The following DNAJC13 variants were observed in gnomAD, a reference collection of about 807,000 sequenced individuals.
DNAJC13 encodes dnaJ homolog subfamily C member 13.
DNAJC13 carries 75 observed loss-of-function variants against 290.5 expected under a neutral mutation model. That is an observed-to-expected ratio of 0.26 (90% confidence interval 0.21 to 0.31). The LOEUF is 0.31. Among genes scored for constraint, DNAJC13 ranks in the 10% least tolerant of loss-of-function variants. DNAJC13 has a pLI of 1.00. For missense variants in DNAJC13, 2,260 were observed against 2,674.5 expected (o/e 0.85, Z 3.42); for synonymous variants, 862 against 892.0 (o/e 0.97, Z 0.60).
At chr3:132,491,156 A>G (rs138174227) in intron 32 of DNAJC13, 105 bp downstream of exon 32, 1 of 986,742 alleles carries the variant, frequency 1.0e-6, no homozygotes, top group Non-Finnish European at 1.4e-6. Context: ...TAGGTTTATA[A>G]TCTAAAATGA....
chr3:132,536,725 C>A (rs1433894978), intron 55 of DNAJC13, among the ~76,000 whole-genome samples: 1 of 152,168 alleles, frequency 6.6e-6, no homozygotes, highest in Non-Finnish European at 1.5e-5. Context: ...GCTGCTGTAG[C>A]TCTGAACTGC....
intron 55 of DNAJC13, among the ~76,000 whole-genome samples, chr3:132,531,937 G>A (rs955651551): frequency 1.3e-5 from 2 of 152,190 alleles, no homozygotes; most frequent in Non-Finnish European, 2.9e-5. Context: ...GGTTTCAAAA[G>A]ATACTATGTT....
intron 41 of DNAJC13, among the ~76,000 whole-genome samples, chr3:132,503,843 A>G (rs1935499525): frequency 6.6e-6 from 1 of 152,226 alleles, no homozygotes; most frequent in Admixed American, 6.5e-5. Context: ...TACAAAAATC[A>G]GTATGACATG....
chr3:132,533,888 A>C (rs7651384), intron 55 of DNAJC13, among the ~76,000 whole-genome samples: 89,845 of 151,986 alleles, frequency 0.59, 28,844 homozygotes, highest in East Asian at 0.87. Flanking sequence ...CCTGGACTTC[A>C]TTTGGTCCTC....
chr3:132,481,573 C>T (rs1423517232), intron 26 of DNAJC13, among the ~76,000 whole-genome samples: 1 of 152,036 alleles, frequency 6.6e-6, no homozygotes, highest in African/African-American at 2.4e-5. Context: ...AAAGTAAGAC[C>T]CTGTCTCAAA....
rs942860571 is a variant in DNAJC13, at chr3:132,445,834, A to G, written c.69-641A>G. On this transcript the variant is annotated intron_variant, in intron 2 of 55. Transcript: ENST00000260818. ...AGTTTTTCTAATTCAATTTCCTTTT[A>G]TGATTATGAATTCCTTTCTCTTTTG... Among the ~76,000 whole-genome samples the G allele has an allele frequency of 4.6e-5, 7 of 151,960 alleles. No individual in the cohort carries two copies. In the South Asian group the frequency reaches 1.0e-3, roughly 22 times the overall value.
intron 13 of DNAJC13, 91 bp downstream of exon 13, chr3:132,457,459 A>C: frequency 9.9e-7 from 1 of 1,005,874 alleles, no homozygotes; most frequent in Non-Finnish European, 1.5e-6. Context: ...TGTACCAATA[A>C]GTTCTTGTTT....
intron 5 of DNAJC13, among the ~76,000 whole-genome samples, chr3:132,448,162 C>CA (rs1576465399): frequency 1.3e-5 from 2 of 151,944 alleles, no homozygotes; most frequent in African/African-American, 2.4e-5. Flanking sequence ...GAAAAAAAGG[C>CA]AAAAAAACCT....
At chr3:132,419,691 G>A (rs1212424716) in intron 1 of DNAJC13, among the ~76,000 whole-genome samples, 2 of 152,284 alleles carry the variant, frequency 1.3e-5, no homozygotes, top group Middle Eastern at 3.4e-3. Flanking sequence ...CTTTAAATTA[G>A]TAATTGAAAC....
intron 17 of DNAJC13, among the ~76,000 whole-genome samples, chr3:132,465,211 A>C (rs746869745): frequency 9.2e-5 from 14 of 152,162 alleles, no homozygotes; most frequent in Non-Finnish European, 1.8e-4. Context: ...TCAGTAATGT[A>C]ACATATATAA....
intron 42 of DNAJC13, among the ~76,000 whole-genome samples, chr3:132,506,372 C>T (rs913696784): frequency 6.6e-5 from 10 of 151,154 alleles, no homozygotes; most frequent in African/African-American, 2.4e-4. Flanking sequence ...TATCTTTTAC[C>T]AGAATAGACA....
intron 55 of DNAJC13, among the ~76,000 whole-genome samples, chr3:132,534,061 T>G (rs1490941323): frequency 6.6e-6 from 1 of 152,104 alleles, no homozygotes; most frequent in Non-Finnish European, 1.5e-5. Flanking sequence ...AAAGAAAAGT[T>G]GGGGTATACA....
chr3:132,514,474 C>G (rs1935864261), intron 45 of DNAJC13, 97 bp from the exon 46 acceptor site: 1 of 725,120 alleles, frequency 1.4e-6, no homozygotes, highest in Non-Finnish European at 2.2e-6. Context: ...TTTCATCCCC[C>G]AAACATTTGT....
intron 24 of DNAJC13, among the ~76,000 whole-genome samples, 167 bp from the exon 25 acceptor site, chr3:132,479,060 A>G (rs1396268574): frequency 6.6e-6 from 1 of 152,168 alleles, no homozygotes; most frequent in Non-Finnish European, 1.5e-5. Flanking sequence ...AATTTTCAGG[A>G]TTCATTAAGG....
chr3:132,458,167 G>A (rs765993548), intron 13 of DNAJC13: 7 of 152,168 alleles, frequency 4.6e-5, no homozygotes, highest in Non-Finnish European at 8.8e-5. Flanking sequence ...TGTTTGCGCA[G>A]TAAAGATCTA....
intron 32 of DNAJC13, among the ~76,000 whole-genome samples, chr3:132,491,904 A>G (rs1203434418): frequency 2.0e-5 from 3 of 152,170 alleles, no homozygotes; most frequent in Non-Finnish European, 4.4e-5. Context: ...ATATAAGAAT[A>G]TTAATAAATT....
At chr3:132,456,909 T>A in intron 12 of DNAJC13, 77 bp downstream of exon 12, 1 of 1,477,382 alleles carries the variant, frequency 6.8e-7, no homozygotes, top group Non-Finnish European at 9.2e-7. Flanking sequence ...ACGATTCACC[T>A]CCTTTTCCTT....
intron 20 of DNAJC13, among the ~76,000 whole-genome samples, chr3:132,468,334 A>C (rs1934069644): frequency 6.6e-6 from 1 of 152,198 alleles, no homozygotes; most frequent in Non-Finnish European, 1.5e-5. Flanking sequence ...AAATAACTTT[A>C]ATATCTTTCT....
At chr3:132,441,925 CAT>C (rs1309517407) in intron 2 of DNAJC13, among the ~76,000 whole-genome samples, 4 of 151,544 alleles carry the variant, frequency 2.6e-5, no homozygotes, top group African/African-American at 4.8e-5. Flanking sequence ...TATTCACTGT[CAT>C]ATTATTGAAC....
Sources: allele counts gnomAD v4.1 joint callset (sites outside exome capture counted in the v4.1 genomes callset), GRCh38; gene constraint gnomAD v4.1.1; transcripts MANE v1.5; gene names NCBI Gene and HGNC (gene_info 2026-07-23, HGNC 2026-07-21).